Variants in FMO4 observed in about 807,000 individuals in gnomAD.
FMO4 encodes the protein dimethylaniline monooxygenase [N-oxide-forming] 4.
A neutral mutation model predicts 43.3 loss-of-function variants in FMO4; 38 were observed. The ratio of observed to expected loss-of-function variants is 0.88; its 90% CI spans 0.68 to 1.15. FMO4 has a LOEUF of 1.15. Among genes scored for constraint, FMO4 ranks in the 50% most tolerant of loss-of-function variants. The probability of loss-of-function intolerance (pLI) is 0.00; values close to 1 mark genes in which losing one functional copy is unlikely to be tolerated. For missense variants in FMO4, 631 were observed against 663.3 expected (o/e 0.95, Z 0.54); for synonymous variants, 224 against 232.2 (o/e 0.96, Z 0.32).
At chr1:171,324,525 T>A (rs1243261357) in intron 5 of FMO4, among the ~76,000 whole-genome samples, 1 of 152,192 alleles carries the variant, frequency 6.6e-6, no homozygotes, top group Non-Finnish European at 1.5e-5. Context: ...TTAAGCTTTC[T>A]AATGTGTGTC....
At chr1:171,318,093 A>G (rs1466438228) in intron 2 of FMO4, among the ~76,000 whole-genome samples, 7 of 152,228 alleles carry the variant, frequency 4.6e-5, no homozygotes, top group African/African-American at 1.7e-4. Context: ...AGGCCAGCAG[A>G]TCACTTGAGG....
chr1:171,324,111 AAGTG>A, intron 4 of FMO4, 23 bp from the exon 5 acceptor site: 1 of 1,592,582 alleles, frequency 6.3e-7, no homozygotes, highest in Non-Finnish European at 8.5e-7. Context: ...TGTTAGTGAG[AAGTG>A]AGTGTTTGTC....
At chr1:171,315,418 C>T (rs866594648) in intron 1 of FMO4, among the ~76,000 whole-genome samples, 1 of 151,802 alleles carries the variant, frequency 6.6e-6, no homozygotes, top group Non-Finnish European at 1.5e-5. Flanking sequence ...TCTCGCCTAC[C>T]TTTGAATTCA....
At chr1:171,322,164 G>C (rs1440504292) in intron 3 of FMO4, among the ~76,000 whole-genome samples, 1 of 152,162 alleles carries the variant, frequency 6.6e-6, no homozygotes, top group Non-Finnish European at 1.5e-5. Context: ...AGGGGACATA[G>C]GTTGAGAGGA....
intron 5 of FMO4, among the ~76,000 whole-genome samples, chr1:171,326,516 G>A (rs1156800911): frequency 1.3e-5 from 2 of 152,246 alleles, no homozygotes; most frequent in African/African-American, 2.4e-5. Context: ...GAAGTGCTCT[G>A]TTCAGCCTTT....
At chr1:171,325,403 G>A (rs1164606172) in intron 5 of FMO4, among the ~76,000 whole-genome samples, 3 of 152,128 alleles carry the variant, frequency 2.0e-5, no homozygotes, top group African/African-American at 7.2e-5. Context: ...CAATTGAATA[G>A]GTGAGTTTTT....
chr1:171,337,429 T>A lies in FMO4; in HGVS notation c.1250+4T>A. ...AAAAGGAACAGCTCATTAAAAGGTA[T>A]GAAATGTAGCTTGCTCTAGGGCAAA... On this transcript the variant is annotated splice_donor_region_variant and intron_variant, in intron 9 of 9. Coordinates refer to ENST00000367749, the MANE Select transcript of FMO4 (RefSeq NM_002022.3). 1 of 1,601,814 alleles carries A rather than the reference T, an allele frequency of 6.2e-7. No individual in the cohort carries two copies. The highest frequency in any genetic ancestry group is 1.1e-5 in the South Asian group (1 of 90,824).
intron 5 of FMO4, among the ~76,000 whole-genome samples, chr1:171,327,712 C>T (rs1029962309): frequency 5.3e-5 from 8 of 151,980 alleles, no homozygotes; most frequent in African/African-American, 1.4e-4. Context: ...CTCAAGAGTT[C>T]GAGAACAGCC....
intron 1 of FMO4, 142 bp downstream of exon 1, chr1:171,314,555 A>G (rs1571382213): frequency 6.6e-6 from 1 of 152,280 alleles, no homozygotes; most frequent in East Asian, 1.9e-4. Flanking sequence ...GGCTAAAGCA[A>G]GAGAATTAAG....
At position 171,331,623 on chromosome 1, in the gene FMO4, T is replaced by A. The variant is rs1662901934; in HGVS notation, c.485-17T>A. ...ACTTTAGACATTTCAGACTTTCTGA[T>A]CCTTCACTCCTCTCAGGAATTCATA... On this transcript the variant is annotated splice_polypyrimidine_tract_variant and intron_variant, in intron 5 of 9. Transcript: ENST00000367749. 3 of 1,612,842 alleles carry A rather than the reference T, an allele frequency of 1.9e-6. No homozygotes were observed. The highest frequency in any genetic ancestry group is 2.5e-6 in the Non-Finnish European group (3 of 1,178,940).
rs1432420783 is a variant in FMO4, at chr1:171,334,647, T to A, written c.1064T>A (p.Val355Asp). 1 of 1,613,678 alleles carries A rather than the reference T, an allele frequency of 6.2e-7. No individual in the cohort carries two copies. Reference sequence around the variant, plus strand: ...AAGAAGATATTTCTATACAAGCAAGTCTTTCCCTTAAACCTAGAGAGAGCG... The same window carrying A: ...AAGAAGATATTTCTATACAAGCAAGACTTTCCCTTAAACCTAGAGAGAGCG... ...CTKKIFLYKQ[V>D]FPLNLERATL... Residue 355 changes from valine to aspartate, a missense_variant, in exon 8 of 10, where the codon GTC (valine) becomes GAC (aspartate). By Grantham distance (152) the Val-to-Asp change is radical. Transcript: ENST00000367749.
At chr1:171,336,737 G>T (rs1311922247) in intron 8 of FMO4, among the ~76,000 whole-genome samples, 1 of 151,960 alleles carries the variant, frequency 6.6e-6, no homozygotes, top group East Asian at 1.9e-4. Context: ...CTGAGTAGCT[G>T]GAACTATAAG....
chr1:171,322,930 A>G, intron 3 of FMO4, 74 bp from the exon 4 acceptor site: 1 of 1,107,450 alleles, frequency 9.0e-7, no homozygotes. Context: ...TGAGGCTAGC[A>G]TGAGCCACCA....
chr1:171,319,422 A>T (rs1158352271), intron 2 of FMO4, among the ~76,000 whole-genome samples: 1 of 152,126 alleles, frequency 6.6e-6, no homozygotes, highest in African/African-American at 2.4e-5. Context: ...AAAAGGCAAC[A>T]TTGGGGTGCA....
Position 171,319,959 on chromosome 1 carries a change from T to C in FMO4, c.132+2T>C. ...ATTGGGGGATTATGGAAGTTTACTG[T>C]ACGTGGTTCATCTCTATCAGTCATG... On this transcript the variant is annotated splice_donor_variant, in intron 3 of 9. Transcript: ENST00000367749. LOFTEE classifies it high-confidence loss of function. 1 of 1,613,768 alleles carries C rather than the reference T, an allele frequency of 6.2e-7. No individual in the cohort carries two copies. The highest frequency in any genetic ancestry group is 8.5e-7 in the Non-Finnish European group (1 of 1,179,712).
At chr1:171,323,955 A>G (rs1211685319) in intron 4 of FMO4, among the ~76,000 whole-genome samples, 183 bp from the exon 5 acceptor site, 2 of 152,218 alleles carry the variant, frequency 1.3e-5, no homozygotes, top group African/African-American at 4.8e-5. Flanking sequence ...TAAAGTCTAT[A>G]TTGCCACCTT....
At chr1:171,333,455 C>A (rs1662985542) in intron 7 of FMO4, among the ~76,000 whole-genome samples, 1 of 152,062 alleles carries the variant, frequency 6.6e-6, no homozygotes, top group Non-Finnish European at 1.5e-5. Context: ...AACTCCTGGT[C>A]TCAAGTGATC....
In FMO4 at chr1:171,341,558, T is replaced by C. The variant is rs1320065800; in HGVS notation, c.1396T>C (p.Cys466Arg). ...RLAWEVFFGP[C>R]TPYQYRLMGP... ...AGCTTGGGAAGTTTTCTTTGGACCA[T>C]GTACTCCTTATCAGTACCGCCTCAT... Residue 466 changes from cysteine to arginine, a missense_variant, in exon 10 of 10, where the codon TGT (cysteine) becomes CGT (arginine). Transcript: ENST00000367749. 6.2e-7 allele frequency: 1 copy of C among 1,614,086 alleles called. No individual in the cohort carries two copies.
chr1:171,317,859 A>C (rs915573743), intron 2 of FMO4, among the ~76,000 whole-genome samples: 7 of 152,194 alleles, frequency 4.6e-5, no homozygotes, highest in African/African-American at 1.7e-4. Flanking sequence ...AATGCTTTGA[A>C]TCAAAACCAA....
Sources: allele counts gnomAD v4.1 joint callset (sites outside exome capture counted in the v4.1 genomes callset), GRCh38; gene constraint gnomAD v4.1.1; transcripts MANE v1.5; gene names NCBI Gene and HGNC (gene_info 2026-07-23, HGNC 2026-07-21).